The following PRIM2 variants were observed in gnomAD, a reference collection of about 807,000 sequenced individuals.
PRIM2 encodes DNA primase large subunit.
PRIM2 carries 39 observed loss-of-function variants against 67.3 expected under a neutral mutation model. That is an observed-to-expected ratio of 0.58 (90% confidence interval 0.45 to 0.76). The LOEUF is 0.76. Among genes scored for constraint, PRIM2 ranks in the 30% least tolerant of loss-of-function variants. The pLI, the probability that PRIM2 is intolerant of heterozygous loss-of-function variation, is 0.00. For synonymous variants in PRIM2, 143 were observed against 198.7 expected, an observed-to-expected ratio of 0.72 and a Z score of 2.36; for missense variants, 398 against 598.7, an observed-to-expected ratio of 0.66 and a Z score of 3.50.
intron 7 of PRIM2, chr6:57,505,348 G>A (rs1554347188): frequency 6.6e-6 from 1 of 152,260 alleles, no homozygotes; most frequent in East Asian, 1.9e-4. Flanking sequence ...GGTGGGAAGG[G>A]GAGGTTGGGA....
At chr6:57,576,481 A>C (rs1255023742) in intron 10 of PRIM2, among the ~76,000 whole-genome samples, 1 of 152,206 alleles carries the variant, frequency 6.6e-6, no homozygotes, top group African/African-American at 2.4e-5. Flanking sequence ...CTTCCTTGGC[A>C]GAGCCATCTT....
chr6:57,516,080 A>G (rs1774481866), intron 8 of PRIM2, among the ~76,000 whole-genome samples: 1 of 151,338 alleles, frequency 6.6e-6, no homozygotes, highest in Non-Finnish European at 1.5e-5. Flanking sequence ...GAGCCTTCCC[A>G]TGCTTCAGAT....
At chr6:57,355,343 A>G (rs886168972) in intron 5 of PRIM2, among the ~76,000 whole-genome samples, 36 of 152,058 alleles carry the variant, frequency 2.4e-4, no homozygotes, top group African/African-American at 8.7e-4. Context: ...AGAGGAAAAA[A>G]AAGAATATTT....
At chr6:57,233,794 A>G in the PRIM2 span, among the ~76,000 whole-genome samples, 1 of 151,900 alleles carries the variant, frequency 6.6e-6, no homozygotes, top group Non-Finnish European at 1.5e-5. Context: ...AGCTAGGACC[A>G]CAGGTGCACA....
At chr6:57,519,796 A>T (rs1774573774) in intron 8 of PRIM2, among the ~76,000 whole-genome samples, 1 of 152,184 alleles carries the variant, frequency 6.6e-6, no homozygotes, top group African/African-American at 2.4e-5. Context: ...AAATCTTAAC[A>T]ATTTATGCTT....
chr6:57,541,239 T>G (rs1156936343), intron 10 of PRIM2, among the ~76,000 whole-genome samples: 10 of 152,148 alleles, frequency 6.6e-5, no homozygotes, highest in Non-Finnish European at 1.3e-4. Context: ...ATGTATTTTC[T>G]TATGACTTTC....
chr6:57,279,153 G>A, the PRIM2 span, among the ~76,000 whole-genome samples: 1 of 152,196 alleles, frequency 6.6e-6, no homozygotes, highest in Admixed American at 6.5e-5. Flanking sequence ...AGTACTAGAA[G>A]TTTGGCTTCT....
intron 7 of PRIM2, among the ~76,000 whole-genome samples, chr6:57,386,149 G>A (rs1192219363): frequency 1.3e-5 from 2 of 151,796 alleles, no homozygotes; most frequent in Admixed American, 1.3e-4. Flanking sequence ...CCTTTGGGAG[G>A]AGGAGGTGGG....
chr6:57,602,694 A>C (rs1336262571), intron 11 of PRIM2, among the ~76,000 whole-genome samples: 9 of 152,070 alleles, frequency 5.9e-5, no homozygotes, highest in African/African-American at 2.2e-4. Context: ...GCAAAACTTT[A>C]TTTCTGTTAA....
At chr6:57,301,376 A>T in the PRIM2 span, among the ~76,000 whole-genome samples, 5 of 152,102 alleles carry the variant, frequency 3.3e-5, no homozygotes, top group African/African-American at 1.2e-4. Flanking sequence ...AATCCCAGCT[A>T]CTCGGTAGGC....
chr6:57,359,063 A>G (rs1335765432), intron 5 of PRIM2, among the ~76,000 whole-genome samples: 1 of 152,278 alleles, frequency 6.6e-6, no homozygotes. Flanking sequence ...CATCTTCTCC[A>G]GCTGAAACTC....
the PRIM2 span, among the ~76,000 whole-genome samples, chr6:57,272,662 T>G: frequency 2.6e-5 from 4 of 152,232 alleles, no homozygotes; most frequent in African/African-American, 9.6e-5. Flanking sequence ...AATTTGATCC[T>G]GTCATTATGA....
chr6:57,400,113 T>A (rs1434405473), intron 7 of PRIM2, among the ~76,000 whole-genome samples: 1 of 152,302 alleles, frequency 6.6e-6, no homozygotes, highest in Non-Finnish European at 1.5e-5. Flanking sequence ...TAAATGTTTG[T>A]ATTGATATGT....
At chr6:57,561,661 T>G (rs1243418988) in intron 10 of PRIM2, among the ~76,000 whole-genome samples, 3 of 152,228 alleles carry the variant, frequency 2.0e-5, no homozygotes, top group Non-Finnish European at 4.4e-5. Flanking sequence ...TAATCTTCCA[T>G]CTAGACTACT....
At chr6:57,318,123 A>G (rs1020211591) in intron 1 of PRIM2, among the ~76,000 whole-genome samples, 1 of 152,316 alleles carries the variant, frequency 6.6e-6, no homozygotes, top group South Asian at 2.1e-4. Flanking sequence ...GTAAAGATCC[A>G]AGAACAGTGA....
the PRIM2 span, among the ~76,000 whole-genome samples, chr6:57,279,801 A>C: frequency 1.3e-5 from 2 of 152,208 alleles, no homozygotes; most frequent in Non-Finnish European, 1.5e-5. Context: ...TGCAAAAAGC[A>C]GCCAAAGTAT....
chr6:57,439,674 C>T lies in PRIM2; in HGVS notation c.693+57506C>T, dbSNP rs112726993. On this transcript the variant is annotated intron_variant, in intron 7 of 13. Coordinates refer to ENST00000615550, the MANE Select transcript of PRIM2 (RefSeq NM_000947.5). ...AAGCAATCCACCCTCCTTGGCCTCC[C>T]GAAGTGCCGATATTACAGGCCTGAG... Among the ~76,000 whole-genome samples the T allele has an allele frequency of 5.3e-4, 81 of 151,884 alleles. 1 individual carries two copies. The highest frequency in any genetic ancestry group is 1.9e-4 in the Non-Finnish European group (13 of 67,976).
At chr6:57,567,768 T>C (rs1178459245) in intron 10 of PRIM2, among the ~76,000 whole-genome samples, 2 of 152,130 alleles carry the variant, frequency 1.3e-5, no homozygotes, top group Non-Finnish European at 2.9e-5. Context: ...CACATCTTAG[T>C]CATGTTGGGG....
intron 7 of PRIM2, among the ~76,000 whole-genome samples, chr6:57,478,600 A>T (rs1773536230): frequency 6.6e-6 from 1 of 152,154 alleles, no homozygotes; most frequent in South Asian, 2.1e-4. Flanking sequence ...TTTGTATGAA[A>T]GTACCTTCTT....
Sources: gnomAD v4.1 joint callset for allele counts (sites outside exome capture counted in the v4.1 genomes callset) on GRCh38, gnomAD v4.1.1 for gene constraint, MANE v1.5 for transcripts, NCBI Gene and HGNC (gene_info 2026-07-23, HGNC 2026-07-21) for gene names.